Variants in PARD3 observed in about 807,000 individuals in gnomAD.
PARD3 encodes par-3 family cell polarity regulator, also known as partitioning defective 3 homolog.
PARD3 carries 75 observed loss-of-function variants against 155.4 expected under a neutral mutation model. That is an observed-to-expected ratio of 0.48 (90% CI 0.40 to 0.58). The LOEUF is 0.58. PARD3 is among the 20% of genes least tolerant of loss of function. PARD3 has a pLI of 0.00. For missense variants in PARD3, 1,642 were observed against 1,721.7 expected (o/e 0.95, Z 0.82); for synonymous variants, 576 against 610.5 (o/e 0.94, Z 0.83).
chr10:34,352,494 C>T (rs1483624047), intron 14 of PARD3, among the ~76,000 whole-genome samples: 1 of 152,210 alleles, frequency 6.6e-6, no homozygotes, highest in Non-Finnish European at 1.5e-5. Context: ...TGCAGGCACG[C>T]GCCGCCACGC....
chr10:34,624,790 C>T (rs1027250262), intron 2 of PARD3, among the ~76,000 whole-genome samples: 11 of 152,314 alleles, frequency 7.2e-5, no homozygotes, highest in African/African-American at 2.6e-4. Flanking sequence ...TGAGGGCTGT[C>T]GGGGCTGCGT....
intron 3 of PARD3, among the ~76,000 whole-genome samples, chr10:34,508,581 AT>A (rs2081221801): frequency 6.6e-6 from 1 of 152,184 alleles, no homozygotes; most frequent in Non-Finnish European, 1.5e-5. Flanking sequence ...CATACACAAA[AT>A]ATCACCAGCC....
At chr10:34,533,913 T>C (rs1355437589) in intron 2 of PARD3, among the ~76,000 whole-genome samples, 2 of 152,136 alleles carry the variant, frequency 1.3e-5, no homozygotes, top group African/African-American at 4.8e-5. Flanking sequence ...GGCAAAACAG[T>C]CCTTTGCAAT....
rs565134086 is a variant in PARD3 at position 34,694,394 on chromosome 10, CT to C, written c.222+1923del. Among the ~76,000 whole-genome samples, 252 of 151,302 alleles carry C rather than the reference CT, an allele frequency of 1.7e-3. 1 individual carries two copies. Among genetic ancestry groups the C allele is most frequent in the Middle Eastern group, 3.4e-3 (1 of 294 alleles). On this transcript the variant is annotated intron_variant, in intron 2 of 24. Coordinates refer to ENST00000374788, the MANE Select transcript of PARD3 (RefSeq NM_001184785.2). ...GATTTCAGAGTTACCCTAAGCCTGG[CT>C]CACTCAAAAGCCCAAGAAGGAGAAA...
At chr10:34,348,760 G>A (rs569644452) in intron 14 of PARD3, among the ~76,000 whole-genome samples, 23 of 152,206 alleles carry the variant, frequency 1.5e-4, no homozygotes, top group Admixed American at 5.2e-4. Context: ...GTAGTGTACA[G>A]AACAATATGA....
intron 7 of PARD3, among the ~76,000 whole-genome samples, chr10:34,397,604 C>T (rs1355607298): frequency 6.6e-6 from 1 of 152,182 alleles, no homozygotes; most frequent in African/African-American, 2.4e-5. Context: ...GAAATGCCTT[C>T]CTTTGACTTA....
intron 16 of PARD3, among the ~76,000 whole-genome samples, chr10:34,340,793 A>C (rs1001603200): frequency 1.3e-5 from 2 of 152,170 alleles, no homozygotes; most frequent in African/African-American, 4.8e-5. Flanking sequence ...CAAGCCAGAA[A>C]AACAGTAGGA....
chr10:34,577,428 C>T (rs908135580), intron 2 of PARD3, among the ~76,000 whole-genome samples: 18 of 152,170 alleles, frequency 1.2e-4, no homozygotes, highest in African/African-American at 4.3e-4. Flanking sequence ...CATCTCTGCC[C>T]AAGAGACCTT....
At chr10:34,746,093 C>T (rs1369935006) in intron 1 of PARD3, among the ~76,000 whole-genome samples, 1 of 151,912 alleles carries the variant, frequency 6.6e-6, no homozygotes, top group Admixed American at 6.6e-5. Context: ...CAGAGCAAGA[C>T]TCCATCTCAA....
intron 22 of PARD3, among the ~76,000 whole-genome samples, chr10:34,258,324 C>T (rs937497096): frequency 6.6e-6 from 1 of 151,770 alleles, no homozygotes; most frequent in Non-Finnish European, 1.5e-5. Context: ...ATGGGCCGCA[C>T]GACAGAAGGA....
chr10:34,647,032 A>G (rs989549291), intron 2 of PARD3, among the ~76,000 whole-genome samples: 21 of 152,280 alleles, frequency 1.4e-4, no homozygotes, highest in African/African-American at 5.1e-4. Flanking sequence ...AAGTGTGAAC[A>G]TATTTGCTTT....
At chr10:34,724,062 A>T (rs1272950373) in intron 1 of PARD3, among the ~76,000 whole-genome samples, 1 of 152,256 alleles carries the variant, frequency 6.6e-6, no homozygotes, top group African/African-American at 2.4e-5. Context: ...ACATCATTAA[A>T]GCAAGAACAC....
At chr10:34,207,868 T>C (rs1176162423) in intron 22 of PARD3, among the ~76,000 whole-genome samples, 1 of 152,182 alleles carries the variant, frequency 6.6e-6, no homozygotes, top group Non-Finnish European at 1.5e-5. Flanking sequence ...GAATGACTGA[T>C]TTTAAGAAGA....
At chr10:34,184,060 C>T (rs942105781) in intron 22 of PARD3, among the ~76,000 whole-genome samples, 2 of 152,134 alleles carry the variant, frequency 1.3e-5, no homozygotes, top group Non-Finnish European at 2.9e-5. Flanking sequence ...TCAAGCAACC[C>T]ATCTGCCTCT....
intron 9 of PARD3, among the ~76,000 whole-genome samples, chr10:34,381,912 C>CAAAAAAAAAAAAAAAAAAAAAAAAAA (rs202053812): frequency 5.1e-4 from 37 of 71,868 alleles, no homozygotes; most frequent in African/African-American, 1.5e-3. Flanking sequence ...GGCCCTGTCT[C>CAAAAAAAAAAAAAAAAAAAAAAAAAA]AAAAAAAAAA....
At chr10:34,424,278 A>AT (rs1283638334) in intron 5 of PARD3, among the ~76,000 whole-genome samples, 3 of 152,160 alleles carry the variant, frequency 2.0e-5, no homozygotes, top group African/African-American at 7.2e-5. Context: ...ATGAACAGAG[A>AT]TTTTAGTAGC....
At chr10:34,641,474 TTGAC>T (rs778959478) in intron 2 of PARD3, among the ~76,000 whole-genome samples, 2 of 152,206 alleles carry the variant, frequency 1.3e-5, no homozygotes, top group Non-Finnish European at 2.9e-5. Context: ...ATTCTGGTCT[TTGAC>T]TGAACAGTGG....
At chr10:34,747,776 T>C (rs933944162) in intron 1 of PARD3, among the ~76,000 whole-genome samples, 2 of 152,168 alleles carry the variant, frequency 1.3e-5, no homozygotes, top group Non-Finnish European at 2.9e-5. Context: ...TCACATACAA[T>C]GAATAAAGTT....
chr10:34,584,052 C>G (rs1213614383), intron 2 of PARD3, among the ~76,000 whole-genome samples: 1 of 152,128 alleles, frequency 6.6e-6, no homozygotes, highest in African/African-American at 2.4e-5. Flanking sequence ...ACGTGATACA[C>G]AAATGTGAAG....
Sources: allele counts gnomAD v4.1 joint callset (sites outside exome capture counted in the v4.1 genomes callset), GRCh38; gene constraint gnomAD v4.1.1; transcripts MANE v1.5; gene names NCBI Gene and HGNC (gene_info 2026-07-23, HGNC 2026-07-21).